USH1C: variants seen among roughly 807,000 people sequenced by gnomAD.
USH1C encodes USH1 protein network component harmonin.
Under a neutral mutation model 119.3 loss-of-function variants are expected in USH1C, and 90 were observed. That is an observed-to-expected ratio of 0.75 (90% CI 0.64 to 0.90). The LOEUF is 0.90. Ranked by LOEUF, USH1C falls within the 40% of genes least tolerant of loss-of-function variation. USH1C has a pLI of 0.00. For missense variants in USH1C, 1,165 were observed against 1,167.7 expected (o/e 1.00, Z 0.03); for synonymous variants, 465 against 443.3 (o/e 1.05, Z -0.62).
chr11:17,534,067 T>C (rs748873011), intron 1 of USH1C, among the ~76,000 whole-genome samples: 1 of 152,256 alleles, frequency 6.6e-6, no homozygotes, highest in Non-Finnish European at 1.5e-5. Context: ...TTCCACTCCC[T>C]GAGTTACCTC....
intron 15 of USH1C, 152 bp from the exon 16 acceptor site, chr11:17,512,206 T>G: frequency 1.2e-6 from 1 of 862,856 alleles, no homozygotes. Context: ...ACCTCAGGTT[T>G]AGGACAGGAA....
chr11:17,527,158 C>T, intron 5 of USH1C, 65 bp downstream of exon 5: 1 of 1,012,856 alleles, frequency 9.9e-7, no homozygotes, highest in Non-Finnish European at 1.4e-6. Context: ...GGAGTACTGC[C>T]CTGCTCCCCC....
Position 17,494,241 on chromosome 11 carries a change from C to G in USH1C, c.*91G>C. ...ATTCCTGGGTGATAGATTCAGGTCC[C>G]AAGGATGCCATCTGGTGTGTGTAGT... is the stretch of plus-strand genomic sequence containing the variant. On this transcript the variant is annotated 3_prime_UTR_variant, in exon 27 of 27. Coordinates refer to ENST00000005226, the MANE Select transcript of USH1C (RefSeq NM_153676.4). 6.8e-7 allele frequency: 1 copy of G among 1,464,276 alleles called. No individual in the cohort carries two copies. Among genetic ancestry groups the G allele is most frequent in the Non-Finnish European group, 9.4e-7 (1 of 1,065,854 alleles). 90.7% of individuals were successfully genotyped at this position (1,464,276 alleles called of 1,614,324 possible).
chr11:17,534,873 CAAA>C (rs59152937), intron 1 of USH1C, among the ~76,000 whole-genome samples: 2 of 120,688 alleles, frequency 1.7e-5, no homozygotes, highest in Non-Finnish European at 1.7e-5. Context: ...GACTCCATCT[CAAA>C]AAAAAAAAAA....
chr11:17,535,802 T>C (rs1056774337), intron 1 of USH1C, among the ~76,000 whole-genome samples: 1 of 152,172 alleles, frequency 6.6e-6, no homozygotes, highest in Non-Finnish European at 1.5e-5. Flanking sequence ...TCTCACATAA[T>C]GCTGCAGCTG....
At chr11:17,516,389 T>C in intron 14 of USH1C, 99 bp from the exon 15 acceptor site, 2 of 1,209,448 alleles carry the variant, frequency 1.7e-6, no homozygotes, top group Non-Finnish European at 1.2e-6. Context: ...AATGCATGAC[T>C]TTGTGAGATA....
At chr11:17,529,772 A>C (rs1192868213) in intron 4 of USH1C, among the ~76,000 whole-genome samples, 1 of 152,216 alleles carries the variant, frequency 6.6e-6, no homozygotes, top group African/African-American at 2.4e-5. Context: ...AGGAGAGATG[A>C]ACCCGTCAGC....
chr11:17,517,442 C>A lies in USH1C; in HGVS notation c.1211-1152G>T. The A allele has an allele frequency of 1.9e-6, 3 of 1,595,698 alleles. No homozygotes were observed. In the South Asian group the frequency reaches 3.4e-5, roughly 18 times the overall value. ...TCCGTGCCTCCATCCAGGTCATCTGCGGGCTCGAGCTCAGGTTCCACTCCC... is the reference window on the plus strand; with the variant it reads ...TCCGTGCCTCCATCCAGGTCATCTGAGGGCTCGAGCTCAGGTTCCACTCCC... On this transcript the variant is annotated intron_variant, in intron 14 of 26. Transcript: ENST00000005226.
chr11:17,507,841 C>T (rs1849709202), intron 18 of USH1C, among the ~76,000 whole-genome samples: 2 of 152,200 alleles, frequency 1.3e-5, no homozygotes, highest in South Asian at 4.1e-4. Flanking sequence ...GTTGCCATCC[C>T]TCAAGGCTCA....
rs1482238747 is a variant in USH1C, at chr11:17,498,189, G to A, written c.2463C>T (p.Ala821=). 6.2e-7 allele frequency: 1 copy of A among 1,614,024 alleles called. No homozygotes were observed. The highest frequency in any genetic ancestry group is 8.5e-7 in the Non-Finnish European group (1 of 1,180,020). ...CGCCCTGATTCCAGGCCTTCTGCAG[G>A]GCAGCCTCAGCCTCAGCCAGGGTGT... ...TDYTLAEAEA[A]LQKAWNQGGD... The change falls in exon 24 of 27, where the codon GCC becomes GCT. Residue 821 remains alanine, a synonymous_variant. Transcript: ENST00000005226.
chr11:17,513,835 AG>A lies in USH1C; in HGVS notation c.1261-1782del, dbSNP rs1850013046. Among the ~76,000 whole-genome samples, 4 of 93,772 alleles carry A rather than the reference AG, an allele frequency of 4.3e-5. No homozygotes were observed. The South Asian group carries it at 1.6e-3, about 38-fold the overall frequency. The allele number at this position is 93,772 out of a possible 152,430, so 61.5% of individuals were successfully genotyped here. ...GTTGCTTAAAAAAAGAAAGAAAGAA[AG>A]AAAAAAAAAACTACCAGTGCTAAGA... On this transcript the variant is annotated intron_variant, in intron 15 of 26. Coordinates refer to ENST00000005226, the MANE Select transcript of USH1C (RefSeq NM_153676.4).
intron 1 of USH1C, among the ~76,000 whole-genome samples, chr11:17,538,317 C>T (rs888039883): frequency 2.0e-5 from 3 of 152,102 alleles, no homozygotes; most frequent in Non-Finnish European, 4.4e-5. Flanking sequence ...ATCTTCAGGC[C>T]CCTTGTCTAG....
chr11:17,516,788 C>A (rs1850167781), intron 14 of USH1C, among the ~76,000 whole-genome samples: 1 of 152,158 alleles, frequency 6.6e-6, no homozygotes. Flanking sequence ...AGGTCAAGTC[C>A]TCCGCTTTCA....
At position 17,544,296 on chromosome 11, in the gene USH1C, T is replaced by C. The variant is rs1307084632; in HGVS notation, c.12A>G (p.Lys4=). The change falls in exon 1 of 27, where the codon AAA becomes AAG. Residue 4 remains lysine (K), a synonymous_variant. Transcript: ENST00000005226. MDR[K]VAREFRHKVD... ...CCTTATGCCGGAATTCTCGGGCCACTTTTCGGTCCATGGCTGGGCCAGGTC... is the reference window on the plus strand; with the variant it reads ...CCTTATGCCGGAATTCTCGGGCCACCTTTCGGTCCATGGCTGGGCCAGGTC... The C allele has an allele frequency of 1.2e-6, 2 of 1,613,934 alleles. No individual in the cohort carries two copies. The highest frequency in any genetic ancestry group is 1.7e-6 in the Non-Finnish European group (2 of 1,179,972).
At chr11:17,520,800 G>A in intron 14 of USH1C, 70 bp downstream of exon 14, 1 of 1,576,188 alleles carries the variant, frequency 6.3e-7, no homozygotes, top group South Asian at 1.1e-5. Context: ...AGGAGGTGGT[G>A]GTGAGGGGAG....
In USH1C at chr11:17,533,284, A is replaced by T; in HGVS notation, c.75T>A (p.Tyr25Ter). ...FLIENDAEKD[Y>*]LYDVLRMYHQ... Reference sequence around the variant, plus strand: ...GGTACATTCGCAGCACATCATAGAGATAGTCCTTCTCTGCATCATTTTCAA... The same window carrying T: ...GGTACATTCGCAGCACATCATAGAGTTAGTCCTTCTCTGCATCATTTTCAA... The change falls in exon 2 of 27, where the codon TAT (tyrosine) becomes TAA (stop). Residue 25 changes from tyrosine to a stop codon, truncating the protein, a stop_gained. Transcript: ENST00000005226. LOFTEE classifies it high-confidence loss of function. 1 of 1,613,762 alleles carries T rather than the reference A, an allele frequency of 6.2e-7. No individual in the cohort carries two copies.
chr11:17,501,381 A>G, intron 22 of USH1C, 101 bp downstream of exon 22: 2 of 1,385,560 alleles, frequency 1.4e-6, no homozygotes, highest in Non-Finnish European at 2.0e-6. Context: ...GACCTGAGAG[A>G]CCACCCAGGA....
intron 1 of USH1C, 57 bp from the exon 2 acceptor site, chr11:17,533,379 G>C: frequency 7.7e-7 from 1 of 1,291,682 alleles, no homozygotes; most frequent in Non-Finnish European, 1.1e-6. Context: ...CCCCATAGCA[G>C]ACCTCAGGGA....
rs768245435 is a variant in USH1C at position 17,524,433 on chromosome 11, C to T, written c.759+18G>A. The T allele has an allele frequency of 1.1e-5, 17 of 1,562,222 alleles. 1 individual carries two copies. The highest frequency in any genetic ancestry group is 4.7e-5 in the South Asian group (4 of 84,852). ...ATTTCCAGTGGGCCCCCACTGGGGC[C>T]GGCCCAGCGTCACTCACCTCCAATC... On this transcript the variant is annotated intron_variant, in intron 9 of 26. Coordinates refer to ENST00000005226, the MANE Select transcript of USH1C (RefSeq NM_153676.4).
Sources: gnomAD v4.1 joint callset for allele counts (sites outside exome capture counted in the v4.1 genomes callset) on GRCh38, gnomAD v4.1.1 for gene constraint, MANE v1.5 for transcripts, NCBI Gene and HGNC (gene_info 2026-07-23, HGNC 2026-07-21) for gene names.